Variants in TAF1B observed in about 807,000 individuals in gnomAD.
The protein encoded by TAF1B is TATA-box binding protein associated factor, RNA polymerase I subunit B.
Under a neutral mutation model 83.9 loss-of-function variants are expected in TAF1B, and 61 were observed. The ratio of observed to expected loss-of-function variants is 0.73; its 90% CI spans 0.59 to 0.90. The LOEUF is 0.90. Ranked by LOEUF, TAF1B falls within the 40% of genes least tolerant of loss-of-function variation. The pLI is 0.00. For synonymous variants in TAF1B, 221 were observed against 224.6 expected, an observed-to-expected ratio of 0.98 and a Z score of 0.14; for missense variants, 625 against 677.0, an observed-to-expected ratio of 0.92 and a Z score of 0.85.
rs1403022803 is a variant in TAF1B, at chr2:9,913,199, G to A, written c.1221G>A (p.Met407Ile). ...ATTTCAGAAAGTGGTACCAAATTAT[G>A]AAGAAAGCTTTTGATGAGAAAAAAC... Reference protein sequence around the residue: ...WFDFRKWYQIMKKAFDEKKQK... With the variant: ...WFDFRKWYQIIKKAFDEKKQK... The change falls in exon 12 of 15, where the codon ATG (methionine) becomes ATA (isoleucine). Residue 407 changes from methionine to isoleucine, a missense_variant. Transcript: ENST00000263663. 2 of 1,612,554 alleles carry A rather than the reference G, an allele frequency of 1.2e-6. No individual in the cohort carries two copies. The highest frequency in any genetic ancestry group is 1.7e-6 in the Non-Finnish European group (2 of 1,179,576).
chr2:9,886,224 A>G (rs407874), intron 8 of TAF1B, among the ~76,000 whole-genome samples: 42,204 of 151,412 alleles, frequency 0.28, 6,838 homozygotes, highest in Middle Eastern at 0.4. Flanking sequence ...AAAAAAAGAC[A>G]TACCATTTTG....
intron 6 of TAF1B, among the ~76,000 whole-genome samples, chr2:9,873,123 A>G (rs1299618348): frequency 6.6e-6 from 1 of 152,218 alleles, no homozygotes; most frequent in Non-Finnish European, 1.5e-5. Flanking sequence ...TCTTCAAAGT[A>G]GAACTGTTGG....
At chr2:9,916,528 C>A (rs995347707) in intron 12 of TAF1B, among the ~76,000 whole-genome samples, 4 of 152,280 alleles carry the variant, frequency 2.6e-5, no homozygotes, top group African/African-American at 9.6e-5. Flanking sequence ...TAAGAAACTT[C>A]CATTTAGATT....
rs770713103 is a variant in TAF1B at position 9,919,084 on chromosome 2, G to C, written c.1315G>C (p.Asp439His). ...AAAGCCACTCTACTACTCATTTGTC[G>C]ACAAACCAGTAGCATATAAAAAAAG... ...SEKPLYYSFV[D>H]KPVAYKKREM... Residue 439 changes from aspartate to histidine, a missense_variant, in exon 13 of 15, where the codon GAC becomes CAC. Coordinates refer to ENST00000263663, the MANE Select transcript of TAF1B (RefSeq NM_005680.3). 6.2e-7 allele frequency: 1 copy of C among 1,613,994 alleles called. No homozygotes were observed. The highest frequency in any genetic ancestry group is 8.5e-7 in the Non-Finnish European group (1 of 1,179,990).
chr2:9,881,860 C>T (rs908705526), intron 7 of TAF1B, among the ~76,000 whole-genome samples: 4 of 152,238 alleles, frequency 2.6e-5, no homozygotes, highest in African/African-American at 9.6e-5. Context: ...GGTGAGCAAA[C>T]AGGCAAGGTC....
chr2:9,871,648 TG>T lies in TAF1B; in HGVS notation c.553+3220del, dbSNP rs1160309544. 3.3e-5 allele frequency among the ~76,000 whole-genome samples: 5 copies of T among 152,212 alleles called. No individual in the cohort carries two copies. In the South Asian group the frequency reaches 8.3e-4, roughly 25 times the overall value. ...AGACTAAAAAGTTGATAAAAGGCTT[TG>T]TTTCCGTGGTTAGTCTTGTCAGCTC... On this transcript the variant is annotated intron_variant, in intron 6 of 14. Transcript: ENST00000263663.
rs143856510 is a variant in TAF1B, at chr2:9,892,027, C to T, written c.807+9222C>T. On this transcript the variant is annotated intron_variant, in intron 8 of 14. Coordinates refer to ENST00000263663, the MANE Select transcript of TAF1B (RefSeq NM_005680.3). ...GTAATATTGTAAGCCTTCACATTCA[C>T]TCACCACTCACTCACTGGCTCACCC... Among the ~76,000 whole-genome samples, 269 of 152,318 alleles carry T rather than the reference C, an allele frequency of 1.8e-3. 1 individual carries two copies. Among genetic ancestry groups the T allele is most frequent in the African/African-American group, 6.4e-3 (265 of 41,566 alleles).
At chr2:9,894,247 A>G (rs199687896) in intron 8 of TAF1B, among the ~76,000 whole-genome samples, 3 of 122,640 alleles carry the variant, frequency 2.4e-5, no homozygotes, top group African/African-American at 8.7e-5. Context: ...TTTAAACACT[A>G]TTTTCAGAAA....
chr2:9,886,571 C>T (rs1664679063), intron 8 of TAF1B, among the ~76,000 whole-genome samples: 1 of 152,128 alleles, frequency 6.6e-6, no homozygotes, highest in Non-Finnish European at 1.5e-5. Flanking sequence ...CACATAGACA[C>T]TCAAATTTCA....
intron 8 of TAF1B, among the ~76,000 whole-genome samples, chr2:9,884,287 T>C (rs1009004636): frequency 6.6e-6 from 1 of 152,230 alleles, no homozygotes; most frequent in East Asian, 1.9e-4. Context: ...CAGCCCTGGC[T>C]CGAGGAGCTC....
chr2:9,917,465 A>G (rs148970680), intron 12 of TAF1B, among the ~76,000 whole-genome samples: 48 of 138,972 alleles, frequency 3.5e-4, no homozygotes, highest in African/African-American at 1.1e-3. Context: ...AAGTTCACAG[A>G]TATTTCTTGA....
At chr2:9,884,921 T>G (rs1470866306) in intron 8 of TAF1B, among the ~76,000 whole-genome samples, 1 of 152,174 alleles carries the variant, frequency 6.6e-6, no homozygotes, top group African/African-American at 2.4e-5. Context: ...TCTAACTCAG[T>G]GCAAATTCTG....
intron 14 of TAF1B, among the ~76,000 whole-genome samples, chr2:9,928,597 A>G (rs1666118036): frequency 6.6e-6 from 1 of 152,140 alleles, no homozygotes; most frequent in South Asian, 2.1e-4. Context: ...TTGGATTCCT[A>G]GGTATTTTAT....
intron 2 of TAF1B, chr2:9,845,844 G>T: frequency 3.3e-6 from 1 of 299,600 alleles, no homozygotes; most frequent in South Asian, 3.0e-5. Context: ...TTAGCCAGGC[G>T]TGGTAGCATG....
chr2:9,929,191 C>T (rs1225079704), intron 14 of TAF1B, among the ~76,000 whole-genome samples: 3 of 135,426 alleles, frequency 2.2e-5, no homozygotes, highest in Non-Finnish European at 4.7e-5. Flanking sequence ...CGGAGTCTCG[C>T]TCTGTCGCCC....
chr2:9,903,086 T>C lies in TAF1B; in HGVS notation c.808-1773T>C, dbSNP rs528426166. 2.6e-5 allele frequency among the ~76,000 whole-genome samples: 4 copies of C among 152,266 alleles called. No individual in the cohort carries two copies. The South Asian group carries it at 8.3e-4, about 32-fold the overall frequency. ...AGAATAGGCTCTAAACTAAATTTTA[T>C]TTTATTTTATTTTATTTGAGACGGA... On this transcript the variant is annotated intron_variant, in intron 8 of 14. Transcript: ENST00000263663.
At chr2:9,915,548 A>G (rs961858328) in intron 12 of TAF1B, among the ~76,000 whole-genome samples, 1 of 152,250 alleles carries the variant, frequency 6.6e-6, no homozygotes. Flanking sequence ...AACATCATTA[A>G]TAGGGAAATG....
At position 9,934,098 on chromosome 2, in the gene TAF1B, T is replaced by G; in HGVS notation, c.*114T>G. On this transcript the variant is annotated 3_prime_UTR_variant, in exon 15 of 15. Coordinates refer to ENST00000263663, the MANE Select transcript of TAF1B (RefSeq NM_005680.3). ...ATACTGCATATATATGTATAGACTCTGACACATATTTACATATATATCAAG... is the reference window on the plus strand; with the variant it reads ...ATACTGCATATATATGTATAGACTCGGACACATATTTACATATATATCAAG... The G allele has an allele frequency of 2.5e-6, 2 of 816,168 alleles. No individual in the cohort carries two copies. Among genetic ancestry groups the G allele is most frequent in the Non-Finnish European group, 3.8e-6 (2 of 529,246 alleles). The allele number at this position is 816,168 out of a possible 1,614,324, so 50.6% of individuals were successfully genotyped here.
intron 6 of TAF1B, among the ~76,000 whole-genome samples, chr2:9,874,343 T>C (rs981842038): frequency 6.6e-6 from 1 of 152,236 alleles, no homozygotes. Context: ...GAGGTTTCTC[T>C]GACACCCATA....
Sources: allele counts gnomAD v4.1 joint callset (sites outside exome capture counted in the v4.1 genomes callset), GRCh38; gene constraint gnomAD v4.1.1; transcripts MANE v1.5; gene names NCBI Gene and HGNC (gene_info 2026-07-23, HGNC 2026-07-21).